ABCB1: variants seen among roughly 807,000 people sequenced by gnomAD.
ABCB1 encodes ATP-dependent translocase ABCB1.
Under a neutral mutation model 142.0 loss-of-function variants are expected in ABCB1, and 69 were observed. That is an observed-to-expected ratio of 0.49 (90% CI 0.40 to 0.59). The LOEUF (loss-of-function observed/expected upper bound fraction) is 0.59, where lower values mean the gene tolerates loss of function less well. Ranked by LOEUF, ABCB1 falls within the 20% of genes least tolerant of loss-of-function variation. The pLI is 0.00. For missense variants in ABCB1, 1,326 were observed against 1,554.7 expected, an observed-to-expected ratio of 0.85 and a Z score of 2.47; for synonymous variants, 532 against 539.2, an observed-to-expected ratio of 0.99 and a Z score of 0.18.
chr7:87,541,485 G>C, intron 17 of ABCB1, 21 bp from the exon 18 acceptor site: 1 of 1,519,590 alleles, frequency 6.6e-7, no homozygotes. Flanking sequence ...ACATTTAAAG[G>C]ATTTTTAGTT....
intron 1 of ABCB1, among the ~76,000 whole-genome samples, chr7:87,606,861 A>C (rs1011931219): frequency 1.3e-5 from 2 of 152,112 alleles, no homozygotes; most frequent in Non-Finnish European, 2.9e-5. Flanking sequence ...GGGGATGAGA[A>C]TGCATTTTCA....
At chr7:87,651,792 G>A (rs889047924) in intron 1 of ABCB1, among the ~76,000 whole-genome samples, 18 of 152,082 alleles carry the variant, frequency 1.2e-4, no homozygotes, top group Admixed American at 1.1e-3. Flanking sequence ...GTTTAAATGA[G>A]TTGAGCAGTA....
intron 2 of ABCB1, among the ~76,000 whole-genome samples, chr7:87,598,525 T>C (rs1819304389): frequency 6.6e-6 from 1 of 152,208 alleles, no homozygotes. Flanking sequence ...AGAAAATTCT[T>C]AGATACAACA....
chr7:87,577,668 G>A lies in ABCB1; in HGVS notation c.287-7445C>T, dbSNP rs559939495. Among the ~76,000 whole-genome samples, 4 of 152,300 alleles carry A rather than the reference G, an allele frequency of 2.6e-5. No homozygotes were observed. In the South Asian group the frequency reaches 8.3e-4, roughly 32 times the overall value. ...TTATAGTTTTGACTTGCATTTCTCT[G>A]ATGATCAATGATGTTGAGCATATTT... is the stretch of plus-strand genomic sequence containing the variant. On this transcript the variant is annotated intron_variant, in intron 4 of 27. Transcript: ENST00000622132.
In ABCB1 at chr7:87,521,935, A is replaced by G; in HGVS notation, c.2686-1059T>C. 3.8e-6 allele frequency: 3 copies of G among 783,594 alleles called. No homozygotes were observed. The South Asian group carries it at 4.0e-5, about 10-fold the overall frequency. The allele number at this position is 783,594 out of a possible 1,614,324, so 48.5% of individuals were successfully genotyped here. Reference sequence around the variant, plus strand: ...AGTAACTTTTGACGACCATGACTCCATGGGTAAGACTGTCACTGAGAAATA... The same window carrying G: ...AGTAACTTTTGACGACCATGACTCCGTGGGTAAGACTGTCACTGAGAAATA... On this transcript the variant is annotated intron_variant, in intron 21 of 27. Transcript: ENST00000622132.
Position 87,519,248 on chromosome 7 carries a change from G to A in ABCB1, c.2927+78C>T, listed in dbSNP as rs1815379401. ...ATCTCTTCATGAGGCTTCACAGTAGGGTTTCCTATCTAGACATGAAGCATG... is the reference window on the plus strand; with the variant it reads ...ATCTCTTCATGAGGCTTCACAGTAGAGTTTCCTATCTAGACATGAAGCATG... On this transcript the variant is annotated intron_variant, in intron 23 of 27. Transcript: ENST00000622132. 9.3e-6 allele frequency: 13 copies of A among 1,404,848 alleles called. No homozygotes were observed. The South Asian group carries it at 1.2e-4, about 13-fold the overall frequency. 87.0% of individuals were successfully genotyped at this position (1,404,848 alleles called of 1,614,324 possible). A position where few individuals can be genotyped will look rare whatever the true frequency, so the allele number is the denominator to read the frequency against.
chr7:87,696,236 G>A (rs1488941451), intron 1 of ABCB1, among the ~76,000 whole-genome samples: 1 of 152,158 alleles, frequency 6.6e-6, no homozygotes, highest in Non-Finnish European at 1.5e-5. Context: ...ATATAGAGTA[G>A]TCAGTTTCTT....
chr7:87,627,257 G>A (rs1006121026), intron 1 of ABCB1, among the ~76,000 whole-genome samples: 2 of 152,094 alleles, frequency 1.3e-5, no homozygotes, highest in African/African-American at 4.8e-5. Context: ...AGTATGCCCT[G>A]CATTAACAGG....
At chr7:87,572,625 C>G (rs1052801183) in intron 4 of ABCB1, among the ~76,000 whole-genome samples, 1 of 152,130 alleles carries the variant, frequency 6.6e-6, no homozygotes, top group Non-Finnish European at 1.5e-5. Flanking sequence ...CATTGTAGCA[C>G]TATTCACAAA....
chr7:87,522,062 A>C (rs1815533027), intron 21 of ABCB1: 1 of 1,089,916 alleles, frequency 9.2e-7, no homozygotes, highest in African/African-American at 1.5e-5. Flanking sequence ...AGCTCTGGGA[A>C]CTTTGGTGGT....
rs1374656415 is a variant in ABCB1, at chr7:87,520,757, A to C, written c.2786+19T>G. The C allele has an allele frequency of 6.3e-7, 1 of 1,590,870 alleles. No homozygotes were observed. The highest frequency in any genetic ancestry group is 2.2e-5 in the East Asian group (1 of 44,694). On this transcript the variant is annotated intron_variant, in intron 22 of 27. Transcript: ENST00000622132. ...GAAAAATTATTCACACTCTCCTCCC[A>C]CTCTTCAGCGGTTATTACCTGTATG... is the stretch of plus-strand genomic sequence containing the variant.
At chr7:87,709,379 G>T in intron 1 of ABCB1, 1 of 985,264 alleles carries the variant, frequency 1.0e-6, no homozygotes, top group Non-Finnish European at 1.2e-6. Flanking sequence ...TGAGACTACT[G>T]GCCAGCCAGT....
At chr7:87,587,135 C>T (rs977202968) in intron 3 of ABCB1, among the ~76,000 whole-genome samples, 12 of 152,004 alleles carry the variant, frequency 7.9e-5, no homozygotes, top group African/African-American at 1.2e-4. Context: ...TGTACTTTGT[C>T]TTAGATAAGA....
chr7:87,646,752 AT>A (rs755268660), intron 1 of ABCB1, among the ~76,000 whole-genome samples: 1 of 152,122 alleles, frequency 6.6e-6, no homozygotes, highest in Non-Finnish European at 1.5e-5. Context: ...GATTGGCAGC[AT>A]TATTCTTGTG....
chr7:87,570,244 C>T lies in ABCB1; in HGVS notation c.287-21G>A, dbSNP rs28381837. The T allele has an allele frequency of 5.9e-4, 940 of 1,605,888 alleles. 3 individuals carry two copies. In the African/African-American group the frequency reaches 0.01, roughly 18 times the overall value. On this transcript the variant is annotated intron_variant, in intron 4 of 27. Transcript: ENST00000622132. ...ATCACCTAGACCACCACAAAACAAA[C>T]ATACCATTTATGTCTCTTTAGTCTC...
Position 87,561,254 on chromosome 7 carries a change from A to G in ABCB1, c.827+9T>C. ...AACATATCTATCCATTTAAAAAAGA[A>G]ACTCAAACCTTTCAAGTTCTTTCTT... On this transcript the variant is annotated intron_variant, in intron 8 of 27. Transcript: ENST00000622132. 2 of 1,613,688 alleles carry G rather than the reference A, an allele frequency of 1.2e-6. No individual in the cohort carries two copies. The highest frequency in any genetic ancestry group is 1.7e-6 in the Non-Finnish European group (2 of 1,179,830).
rs1817974374 is a variant in ABCB1, at chr7:87,570,059, C to A, written c.338+113G>T. The A allele has an allele frequency of 1.8e-5, 17 of 932,140 alleles. No homozygotes were observed. In the South Asian group the frequency reaches 2.3e-4, roughly 13 times the overall value. 57.7% of individuals were successfully genotyped at this position (932,140 alleles called of 1,614,324 possible). A position where few individuals can be genotyped will look rare whatever the true frequency, so the allele number is the denominator to read the frequency against. ...CTACATATACTCTTCTAAAAACTATCAAGAGTATTGTTCTCCTTAAAATTT... is the reference window on the plus strand; with the variant it reads ...CTACATATACTCTTCTAAAAACTATAAAGAGTATTGTTCTCCTTAAAATTT... On this transcript the variant is annotated intron_variant, in intron 5 of 27. Transcript: ENST00000622132.
At chr7:87,657,686 G>A (rs1341085230) in intron 1 of ABCB1, among the ~76,000 whole-genome samples, 1 of 152,132 alleles carries the variant, frequency 6.6e-6, no homozygotes, top group African/African-American at 2.4e-5. Flanking sequence ...CTGGGGTGGG[G>A]TCAGAAGAGG....
intron 20 of ABCB1, among the ~76,000 whole-genome samples, chr7:87,533,012 A>G (rs546832370): frequency 1.3e-5 from 2 of 152,234 alleles, no homozygotes; most frequent in East Asian, 3.9e-4. Flanking sequence ...ATTCCATACC[A>G]TGGAGCTGCA....
Sources: gnomAD v4.1 joint callset for allele counts (sites outside exome capture counted in the v4.1 genomes callset) on GRCh38, gnomAD v4.1.1 for gene constraint, MANE v1.5 for transcripts, NCBI Gene and HGNC (gene_info 2026-07-23, HGNC 2026-07-21) for gene names.